The following TBC1D24 variants were observed in gnomAD, a reference collection of about 807,000 sequenced individuals.
The protein encoded by TBC1D24 is TBC1 domain family member 24.
A neutral mutation model predicts 50.7 loss-of-function variants in TBC1D24; 47 were observed. The ratio of observed to expected loss-of-function variants is 0.93; its 90% CI spans 0.73 to 1.18. The LOEUF is 1.18. Among genes scored for constraint, TBC1D24 ranks in the 50% most tolerant of loss-of-function variants. The probability of loss-of-function intolerance (pLI) is 0.00; values close to 1 mark genes in which losing one functional copy is unlikely to be tolerated. For synonymous variants in TBC1D24, 324 were observed against 335.2 expected (o/e 0.97, Z 0.36); for missense variants, 688 against 766.5 (o/e 0.90, Z 1.21).
rs539705655 is a variant in TBC1D24, at chr16:2,494,325, T to A, written c.-115-1709T>A. ...TACTCAGGAGGCTGAGGCAGGAGAA[T>A]CACTTGAGCCCGGGAGGCGGAAGTT... On this transcript the variant is annotated intron_variant, in intron 1 of 7. Transcript: ENST00000646147. 7.6e-4 allele frequency among the ~76,000 whole-genome samples: 114 copies of A among 150,538 alleles called. 1 individual carries two copies. The highest frequency in any genetic ancestry group is 6.7e-3 in the South Asian group (32 of 4,796).
In TBC1D24 at chr16:2,499,722, A is replaced by G; in HGVS notation, c.1207-113A>G. 1.1e-6 allele frequency: 1 copy of G among 949,186 alleles called. No homozygotes were observed. The highest frequency in any genetic ancestry group is 2.4e-5 in the East Asian group (1 of 41,616). 58.8% of individuals were successfully genotyped at this position (949,186 alleles called of 1,614,324 possible). A position where few individuals can be genotyped will look rare whatever the true frequency, so the allele number is the denominator to read the frequency against. On this transcript the variant is annotated intron_variant, in intron 5 of 7. Coordinates refer to ENST00000646147, the MANE Select transcript of TBC1D24 (RefSeq NM_001199107.2). This position sits in a 1 kb window ranked among gnomAD's most constrained non-coding sequence, Gnocchi z 4.0. Reference sequence around the variant, plus strand: ...TCCTGCCCTGGGGTGGGGGTGGGAGACGGCAATGCCTGCACCCCCACCTGT... The same window carrying G: ...TCCTGCCCTGGGGTGGGGGTGGGAGGCGGCAATGCCTGCACCCCCACCTGT...
At chr16:2,497,506 G>A (rs2065753922) in intron 2 of TBC1D24, among the ~76,000 whole-genome samples, 1 of 152,230 alleles carries the variant, frequency 6.6e-6, no homozygotes, top group African/African-American at 2.4e-5. Context: ...CAGCCCCAGG[G>A]GAGCAGGGTC....
intron 1 of TBC1D24, among the ~76,000 whole-genome samples, chr16:2,491,467 C>A (rs1297430999): frequency 1.3e-5 from 2 of 151,978 alleles, no homozygotes; most frequent in African/African-American, 4.8e-5. Flanking sequence ...GGTCCCACTG[C>A]AGCCTTGACC....
rs1380927829 is a variant in TBC1D24, at chr16:2,499,085, T to C, written c.1143-272T>C. ...CCACCGCAGGGACCTGTTCCTCTGG[T>C]TCCTGCTTCCCCAGCCCCTGGCGCT... On this transcript the variant is annotated intron_variant, in intron 4 of 7. Transcript: ENST00000646147. This position sits in a 1 kb window ranked among gnomAD's most constrained non-coding sequence, Gnocchi z 4.0. Among the ~76,000 whole-genome samples, 1 of 152,180 alleles carries C rather than the reference T, an allele frequency of 6.6e-6. No individual in the cohort carries two copies. Among genetic ancestry groups the C allele is most frequent in the Non-Finnish European group, 1.5e-5 (1 of 68,012 alleles).
chr16:2,503,136 G>C lies in TBC1D24; in HGVS notation c.*2178G>C, dbSNP rs941285338. 3.3e-5 allele frequency: 5 copies of C among 152,236 alleles called. No homozygotes were observed. Among genetic ancestry groups the C allele is most frequent in the African/African-American group, 1.2e-4 (5 of 41,470 alleles). 9.4% of individuals were successfully genotyped at this position (152,236 alleles called of 1,614,324 possible). A position where few individuals can be genotyped will look rare whatever the true frequency, so the allele number is the denominator to read the frequency against. ...GCAGGTTCTGCGTGGCTGCCCCCAG[G>C]GGGCCCCACCCGGGCCTTCCAGTGA... On this transcript the variant is annotated 3_prime_UTR_variant, in exon 8 of 8. Transcript: ENST00000646147.
chr16:2,497,776 G>GC, intron 3 of TBC1D24, 49 bp downstream of exon 3: 1 of 1,527,326 alleles, frequency 6.5e-7, no homozygotes, highest in Non-Finnish European at 8.8e-7. Context: ...TTTCCACCAG[G>GC]CTGACTCTAG....
Position 2,496,574 on chromosome 16 carries a change from G to A in TBC1D24, c.426G>A (p.Leu142=). ...PALPAVVALL[L]HYSIDEAECF... is the part of the protein sequence containing the mutation. ...TGCCGGCCGTGGTGGCCCTGCTGCT[G>A]CACTACAGCATCGACGAGGCCGAGT... is the stretch of plus-strand genomic sequence containing the variant. The change falls in exon 2 of 8, where the codon CTG becomes CTA. Residue 142 remains leucine (L), a synonymous_variant. Transcript: ENST00000646147. 7 of 1,609,166 alleles carry A rather than the reference G, an allele frequency of 4.4e-6. No individual in the cohort carries two copies. The highest frequency in any genetic ancestry group is 5.9e-6 in the Non-Finnish European group (7 of 1,180,002).
At chr16:2,498,864 G>A (rs7193481) in intron 4 of TBC1D24, among the ~76,000 whole-genome samples, 2,872 of 152,320 alleles carry the variant, frequency 0.019, 97 homozygotes, top group African/African-American at 0.065. Flanking sequence ...GTGACCTGGG[G>A]GTGAGGCAGG....
chr16:2,496,210 A>T lies in TBC1D24; in HGVS notation c.62A>T (p.Asp21Val). The change falls in exon 2 of 8, where the codon GAC (aspartate) becomes GTC (valine). Residue 21 changes from aspartate (D) to valine (V), a missense_variant. Asp to Val is a radical substitution (Grantham distance 152). Coordinates refer to ENST00000646147, the MANE Select transcript of TBC1D24 (RefSeq NM_001199107.2). ...GACAAGATGGACGCTGCCATCCAGGACCTGGGGCCCAAGGAGCTGAGCTGC... is the reference window on the plus strand; with the variant it reads ...GACAAGATGGACGCTGCCATCCAGGTCCTGGGGCCCAAGGAGCTGAGCTGC... ...DKDKMDAAIQ[D>V]LGPKELSCTE... is the part of the protein sequence containing the mutation. The T allele has an allele frequency of 6.2e-7, 1 of 1,613,922 alleles. No homozygotes were observed. The highest frequency in any genetic ancestry group is 8.5e-7 in the Non-Finnish European group (1 of 1,179,994).
chr16:2,486,353 G>C lies in TBC1D24; in HGVS notation c.-115-9681G>C, dbSNP rs563726428. ...CGGTCCCACTCCCAGGAAATGGTGA[G>C]GGATTGCTCAGACCAGATGGGAAGA... On this transcript the variant is annotated intron_variant, in intron 1 of 7. Coordinates refer to ENST00000646147, the MANE Select transcript of TBC1D24 (RefSeq NM_001199107.2). The surrounding 1 kb of genome is among the most constrained non-coding windows in gnomAD (Gnocchi z 5.8). Among the ~76,000 whole-genome samples, 11 of 152,334 alleles carry C rather than the reference G, an allele frequency of 7.2e-5. No homozygotes were observed. The highest frequency in any genetic ancestry group is 1.2e-4 in the Non-Finnish European group (8 of 68,022).
intron 1 of TBC1D24, chr16:2,479,562 C>G (rs527837330): frequency 1.3e-5 from 2 of 152,430 alleles, no homozygotes; most frequent in Admixed American, 6.5e-5. Flanking sequence ...TCCCCCACCC[C>G]CTGAGTCCTC....
rs550777180 is a variant in TBC1D24 at position 2,503,088 on chromosome 16, A to G, written c.*2130A>G. ...TGCAAACTTCCTGAACTGGGTGGTG[A>G]TTTTTCTGGCGAGTTAAGTCCAGCA... On this transcript the variant is annotated 3_prime_UTR_variant, in exon 8 of 8. Transcript: ENST00000646147. 1 of 152,122 alleles carries G rather than the reference A, an allele frequency of 6.6e-6. No homozygotes were observed. Among genetic ancestry groups the G allele is most frequent in the Non-Finnish European group, 1.5e-5 (1 of 68,016 alleles). The allele number at this position is 152,122 out of a possible 1,614,324, so 9.4% of individuals were successfully genotyped here. A position where few individuals can be genotyped will look rare whatever the true frequency, so the allele number is the denominator to read the frequency against.
Position 2,496,604 on chromosome 16 carries a change from C to T in TBC1D24, c.456C>T (p.Phe152=), listed in dbSNP as rs2065742840. The T allele has an allele frequency of 2.5e-6, 4 of 1,610,436 alleles. No homozygotes were observed. The highest frequency in any genetic ancestry group is 1.3e-5 in the African/African-American group (1 of 75,042). Residue 152 remains phenylalanine (F), a synonymous_variant, in exon 2 of 8, where the codon TTC becomes TTT. Coordinates refer to ENST00000646147, the MANE Select transcript of TBC1D24 (RefSeq NM_001199107.2). Reference sequence around the variant, plus strand: ...ACAGCATCGACGAGGCCGAGTGCTTCGAGAAGGCCTGCCGCATCCTGGCCT... The same window carrying T: ...ACAGCATCGACGAGGCCGAGTGCTTTGAGAAGGCCTGCCGCATCCTGGCCT... ...LHYSIDEAEC[F]EKACRILACN...
rs2065806542 is a variant in TBC1D24, at chr16:2,502,957, G to A, written c.*1999G>A. 1 of 152,476 alleles carries A rather than the reference G, an allele frequency of 6.6e-6. No individual in the cohort carries two copies. The highest frequency in any genetic ancestry group is 1.5e-5 in the Non-Finnish European group (1 of 68,092). 9.4% of individuals were successfully genotyped at this position (152,476 alleles called of 1,614,324 possible). On this transcript the variant is annotated 3_prime_UTR_variant, in exon 8 of 8. Transcript: ENST00000646147. ...AAGCAGGTGTGGGAGGCTGCCCGCT[G>A]TAGTGCTCACCCACATTCTATGACT...
Position 2,487,906 on chromosome 16 carries a change from G to T in TBC1D24, c.-115-8128G>T, listed in dbSNP as rs1227410743. ...TCGGAGGTCCTCGCTGTCCCAGGAT[G>T]AAGGGAGATGGAGCAGCAACAGCAG... On this transcript the variant is annotated intron_variant, in intron 1 of 7. Transcript: ENST00000646147. The surrounding 1 kb of genome is among the most constrained non-coding windows in gnomAD (Gnocchi z 4.1). 6.6e-6 allele frequency among the ~76,000 whole-genome samples: 1 copy of T among 152,200 alleles called. No individual in the cohort carries two copies. Among genetic ancestry groups the T allele is most frequent in the African/African-American group, 2.4e-5 (1 of 41,450 alleles).
chr16:2,494,038 A>G (rs1421201319), intron 1 of TBC1D24, among the ~76,000 whole-genome samples: 9 of 152,210 alleles, frequency 5.9e-5, no homozygotes, highest in Non-Finnish European at 1.3e-4. Context: ...TGGTTTTAGA[A>G]AGTTAAGAGC....
intron 1 of TBC1D24, among the ~76,000 whole-genome samples, chr16:2,492,922 G>T (rs567497596): frequency 1.3e-5 from 2 of 151,772 alleles, no homozygotes; most frequent in African/African-American, 4.8e-5. Flanking sequence ...GACAATCCCT[G>T]TCTCTACTAA....
chr16:2,500,668 G>A lies in TBC1D24; in HGVS notation c.1526-136G>A. 1 of 1,348,974 alleles carries A rather than the reference G, an allele frequency of 7.4e-7. No homozygotes were observed. The highest frequency in any genetic ancestry group is 1.0e-6 in the Non-Finnish European group (1 of 1,000,246). The allele number at this position is 1,348,974 out of a possible 1,614,324, so 83.6% of individuals were successfully genotyped here. On this transcript the variant is annotated intron_variant, in intron 7 of 7. Transcript: ENST00000646147. The surrounding 1 kb of genome is among the most constrained non-coding windows in gnomAD (Gnocchi z 8.0). ...GAGACCAGCCTGGACAGCTGGTCCT[G>A]GGGGCTATGGAGGGTCAACGGTCTG...
rs1292551263 is a variant in TBC1D24 at position 2,500,323 on chromosome 16, C to CCAAG, written c.1360_1363dup (p.Pro455GlnfsTer24). 9.3e-6 allele frequency: 15 copies of CCAAG among 1,611,200 alleles called. No individual in the cohort carries two copies. Among genetic ancestry groups the CCAAG allele is most frequent in the Non-Finnish European group, 1.7e-6 (2 of 1,179,334 alleles). On this transcript the variant is annotated frameshift_variant, in exon 7 of 8. Transcript: ENST00000646147. LOFTEE classifies it high-confidence loss of function. The surrounding 1 kb of genome is among the most constrained non-coding windows in gnomAD (Gnocchi z 8.0). The stretch of plus-strand genomic sequence containing the variant: ...GTGGTGATCAAGCACCCCGAGCTGA[C>CCAAG]CAAGCCCCCACCCTTGATGGCTGCC...
Sources: allele counts gnomAD v4.1 joint callset (sites outside exome capture counted in the v4.1 genomes callset), GRCh38; gene constraint gnomAD v4.1.1; non-coding constraint Gnocchi (gnomAD v3.1); transcripts MANE v1.5; gene names NCBI Gene and HGNC (gene_info 2026-07-23, HGNC 2026-07-21).